The following MPDZ variants were observed in gnomAD, a reference collection of about 807,000 sequenced individuals.
MPDZ encodes multiple PDZ domain crumbs cell polarity complex component.
MPDZ carries 234 observed loss-of-function variants against 239.1 expected under a neutral mutation model. The observed-to-expected ratio is 0.98, with a 90% confidence interval of 0.88 to 1.09. The LOEUF is 1.09. Ranked by LOEUF, MPDZ falls within the 50% of genes least tolerant of loss-of-function variation. The probability of loss-of-function intolerance (pLI) is 0.00; values close to 1 mark genes in which losing one functional copy is unlikely to be tolerated. For synonymous variants in MPDZ, 1,048 were observed against 881.3 expected (o/e 1.19, Z -3.35); for missense variants, 3,175 against 2,510.0 (o/e 1.26, Z -5.66).
In MPDZ at chr9:13,247,714, AG is replaced by A. The variant is rs746469849; in HGVS notation, c.103del (p.Leu35PhefsTer2). ...GDVANEDKLSLLKSVLQSPLF... is the reference protein window; with the variant it reads ...GDVANEDKLSXLKSVLQSPLF... ...AGGGCTCTGCAGGACTGACTTCAGA[AG>A]GCTCAGTTTGTCTTCATTTGCTACA... On this transcript the variant is annotated frameshift_variant, in exon 3 of 47. Transcript: ENST00000319217. LOFTEE classifies it high-confidence loss of function. 1 of 1,613,714 alleles carries A rather than the reference AG, an allele frequency of 6.2e-7. No homozygotes were observed.
Position 13,221,520 on chromosome 9 carries a change from A to G in MPDZ, c.748-20T>C. 6.2e-7 allele frequency: 1 copy of G among 1,601,816 alleles called. No individual in the cohort carries two copies. Among genetic ancestry groups the G allele is most frequent in the Non-Finnish European group, 8.5e-7 (1 of 1,173,942 alleles). ...GTGAACCTACAAACAAAGCTCATAT[A>G]TGAATTTGTAGAAATTTACAAAGCA... On this transcript the variant is annotated intron_variant, in intron 6 of 46. Coordinates refer to ENST00000319217, the MANE Select transcript of MPDZ (RefSeq NM_001378778.1).
chr9:13,163,807 T>C (rs1201195590), intron 22 of MPDZ, among the ~76,000 whole-genome samples: 1 of 152,036 alleles, frequency 6.6e-6, no homozygotes, highest in Non-Finnish European at 1.5e-5. Flanking sequence ...GTCTTTTATG[T>C]TGTAATAAAA....
At chr9:13,122,022 A>G (rs1944424016) in intron 37 of MPDZ, 65 bp downstream of exon 37, 1 of 1,602,290 alleles carries the variant, frequency 6.2e-7, no homozygotes, top group East Asian at 2.2e-5. Context: ...AAGCAAAGAA[A>G]GAAACACTCC....
chr9:13,126,446 C>T lies in MPDZ; in HGVS notation c.4632+70G>A, dbSNP rs1945127311. 5.8e-6 allele frequency: 6 copies of T among 1,032,778 alleles called. No homozygotes were observed. In the East Asian group the frequency reaches 1.0e-4, roughly 18 times the overall value. The allele number at this position is 1,032,778 out of a possible 1,614,324, so 64.0% of individuals were successfully genotyped here. Reference sequence around the variant, plus strand: ...ACATAACCCTAATTCTCTATGATCGCAGACACAAACACTTTAATCATGCCC... The same window carrying T: ...ACATAACCCTAATTCTCTATGATCGTAGACACAAACACTTTAATCATGCCC... On this transcript the variant is annotated intron_variant, in intron 34 of 46. Transcript: ENST00000319217.
chr9:13,137,290 A>G (rs541654439), intron 29 of MPDZ, among the ~76,000 whole-genome samples: 2 of 152,328 alleles, frequency 1.3e-5, no homozygotes, highest in South Asian at 2.1e-4. Context: ...GTGCCTAAAC[A>G]GCACAGTGCC....
At chr9:13,181,443 C>T (rs940801622) in intron 19 of MPDZ, among the ~76,000 whole-genome samples, 4 of 151,998 alleles carry the variant, frequency 2.6e-5, no homozygotes, top group African/African-American at 9.7e-5. Context: ...AAAGTTGTCA[C>T]CAAAAATATA....
chr9:13,139,995 T>C lies in MPDZ; in HGVS notation c.3995A>G (p.Tyr1332Cys), dbSNP rs1239545236. Residue 1332 changes from tyrosine to cysteine, a missense_variant, in exon 28 of 47, where the codon TAC becomes TGC. Coordinates refer to ENST00000319217, the MANE Select transcript of MPDZ (RefSeq NM_001378778.1). ...ACAAAAACACAACTTACTCCAGCTG[T>C]AACCAAACTCATCCTCTTTGTCCAC... ...QDVDKEDEFG[Y>C]SWKNIRERYG... is the part of the protein sequence containing the mutation. 12 of 1,612,908 alleles carry C rather than the reference T, an allele frequency of 7.4e-6. No individual in the cohort carries two copies. The highest frequency in any genetic ancestry group is 1.1e-5 in the South Asian group (1 of 91,080).
chr9:13,169,268 A>G (rs181546978), intron 21 of MPDZ, among the ~76,000 whole-genome samples: 37 of 152,192 alleles, frequency 2.4e-4, no homozygotes, highest in African/African-American at 7.2e-4. Flanking sequence ...CATCCCCTGG[A>G]TGTCTCACAG....
At chr9:13,139,857 T>C in intron 28 of MPDZ, 130 bp downstream of exon 28, 1 of 1,065,104 alleles carries the variant, frequency 9.4e-7, no homozygotes, top group Non-Finnish European at 1.4e-6. Flanking sequence ...ACACTATTTC[T>C]TTCCACACAG....
At chr9:13,116,342 T>C (rs1010600441) in intron 39 of MPDZ, among the ~76,000 whole-genome samples, 4 of 152,200 alleles carry the variant, frequency 2.6e-5, no homozygotes, top group South Asian at 4.1e-4. Flanking sequence ...ATTTTAAAAA[T>C]GTACATCATT....
At position 13,189,002 on chromosome 9, in the gene MPDZ, A is replaced by G. The variant is rs1210468935; in HGVS notation, c.2155-9T>C. ...GCTGGATCAATTGGATCCTGACAGA[A>G]GGCAAAAGGAAAGAGTCAGCTCATT... On this transcript the variant is annotated splice_polypyrimidine_tract_variant and intron_variant, in intron 16 of 46. Transcript: ENST00000319217. The G allele has an allele frequency of 1.2e-6, 2 of 1,608,080 alleles. No homozygotes were observed. Among genetic ancestry groups the G allele is most frequent in the African/African-American group, 2.7e-5 (2 of 74,800 alleles).
At chr9:13,256,964 G>A (rs1053065773) in intron 1 of MPDZ, among the ~76,000 whole-genome samples, 2 of 152,138 alleles carry the variant, frequency 1.3e-5, no homozygotes, top group African/African-American at 4.8e-5. Flanking sequence ...TATATATGGG[G>A]TAAGGTCCTA....
chr9:13,145,698 T>A (rs1230120431), intron 26 of MPDZ, among the ~76,000 whole-genome samples: 2 of 151,990 alleles, frequency 1.3e-5, no homozygotes, highest in Non-Finnish European at 2.9e-5. Context: ...CATAACAAGA[T>A]TTATCCTGGA....
chr9:13,251,118 G>C (rs1477781200), intron 1 of MPDZ, among the ~76,000 whole-genome samples: 2 of 76,368 alleles, frequency 2.6e-5, no homozygotes, highest in East Asian at 4.5e-4. Flanking sequence ...CACAGAACAA[G>C]ACTCCATCTC....
At chr9:13,198,001 C>T (rs1035486450) in intron 12 of MPDZ, among the ~76,000 whole-genome samples, 2 of 152,028 alleles carry the variant, frequency 1.3e-5, no homozygotes, top group Non-Finnish European at 1.5e-5. Flanking sequence ...TCCTGTTGAT[C>T]GGCACTTAGG....
At chr9:13,123,050 C>A in intron 36 of MPDZ, 103 bp downstream of exon 36, 1 of 1,229,610 alleles carries the variant, frequency 8.1e-7, no homozygotes, top group Non-Finnish European at 1.1e-6. Context: ...TTTTTTCGGC[C>A]TTCACATTTC....
chr9:13,172,801 T>G (rs1396723499), intron 21 of MPDZ, among the ~76,000 whole-genome samples: 1 of 152,202 alleles, frequency 6.6e-6, no homozygotes, highest in African/African-American at 2.4e-5. Context: ...GGAAGGACAC[T>G]TCTACCTTTC....
intron 1 of MPDZ, 84 bp from the exon 2 acceptor site, chr9:13,250,456 A>T: frequency 1.4e-6 from 1 of 691,416 alleles, no homozygotes; most frequent in Non-Finnish European, 2.4e-6. Flanking sequence ...ACTTGATACA[A>T]CTCTAATTCC....
intron 3 of MPDZ, among the ~76,000 whole-genome samples, chr9:13,246,102 T>G (rs1456902304): frequency 6.6e-6 from 1 of 152,204 alleles, no homozygotes; most frequent in African/African-American, 2.4e-5. Flanking sequence ...TGCTTTTATT[T>G]GGGATACTGG....
Sources: allele counts gnomAD v4.1 joint callset (sites outside exome capture counted in the v4.1 genomes callset), GRCh38; gene constraint gnomAD v4.1.1; transcripts MANE v1.5; gene names NCBI Gene and HGNC (gene_info 2026-07-23, HGNC 2026-07-21).